The following WDR83 variants were observed in gnomAD, a reference collection of about 807,000 sequenced individuals.
WDR83 encodes the protein WD repeat domain-containing protein 83.
A neutral mutation model predicts 37.7 loss-of-function variants in WDR83; 37 were observed. That is an observed-to-expected ratio of 0.98 (90% confidence interval 0.76 to 1.29). WDR83 has a LOEUF of 1.29. WDR83 is among the 50% of genes most tolerant of loss of function. The pLI is 0.00. For synonymous variants in WDR83, 174 were observed against 181.1 expected, an observed-to-expected ratio of 0.96 and a Z score of 0.31; for missense variants, 445 against 414.4, an observed-to-expected ratio of 1.07 and a Z score of -0.64.
chr19:12,671,739 C>T, intron 7 of WDR83, among the ~76,000 whole-genome samples: 1 of 152,168 alleles, frequency 6.6e-6, no homozygotes, highest in Admixed American at 6.5e-5. Context: ...CGCTCTGTTG[C>T]CAGGCTGGAG....
chr19:12,668,996 C>T (rs1042480204), intron 2 of WDR83: 2 of 909,442 alleles, frequency 2.2e-6, no homozygotes, highest in African/African-American at 1.6e-5. Context: ...CCAGCGTCAT[C>T]GCAGCCCCAC....
At chr19:12,671,349 T>A (rs1376654553) in intron 7 of WDR83, 1 of 149,738 alleles carries the variant, frequency 6.7e-6, no homozygotes, top group African/African-American at 2.5e-5. Context: ...GATAAAATGA[T>A]TTCTAAAAAT....
chr19:12,669,418 C>A, intron 2 of WDR83: 3 of 1,588,016 alleles, frequency 1.9e-6, no homozygotes, highest in South Asian at 1.1e-5. Context: ...AGTCGAAGGC[C>A]AGATCACGCC....
Position 12,670,042 on chromosome 19 carries a change from G to C in WDR83, c.169G>C (p.Gly57Arg). 6.2e-7 allele frequency: 1 copy of C among 1,613,232 alleles called. No individual in the cohort carries two copies. Among genetic ancestry groups the C allele is most frequent in the Non-Finnish European group, 8.5e-7 (1 of 1,179,322 alleles). Reference sequence around the variant, plus strand: ...GCTGAAGCTGTGGAACCCGCTTCGGGGGACGCTGCTGCGGACGTACAGCGG... The same window carrying C: ...GCTGAAGCTGTGGAACCCGCTTCGGCGGACGCTGCTGCGGACGTACAGCGG... ...KTLKLWNPLR[G>R]TLLRTYSGHG... is the part of the protein sequence containing the mutation. Residue 57 changes from glycine to arginine, a missense_variant, in exon 4 of 11, where the codon GGG (glycine) becomes CGG (arginine). Transcript: ENST00000418543.
chr19:12,669,190 G>C (rs2024337062), intron 2 of WDR83: 2 of 1,614,132 alleles, frequency 1.2e-6, no homozygotes, highest in Non-Finnish European at 1.7e-6. Context: ...TCCGGCGTCG[G>C]GTCGTCCAAG....
At position 12,675,392 on chromosome 19, in the gene WDR83, G is replaced by C. The variant is rs2024544685; in HGVS notation, c.799-131G>C. 4.6e-6 allele frequency: 6 copies of C among 1,291,770 alleles called. No homozygotes were observed. The South Asian group carries it at 7.3e-5, about 16-fold the overall frequency. The allele number at this position is 1,291,770 out of a possible 1,614,324, so 80.0% of individuals were successfully genotyped here. ...TGCAGTGTCTAGGAGGCAATTAGAG[G>C]CAGGTGGCTGAAGGTCGGGGAGAGG... On this transcript the variant is annotated intron_variant, in intron 10 of 10. Transcript: ENST00000418543.
At position 12,674,883 on chromosome 19, in the gene WDR83, A is replaced by T. The variant is rs533181482; in HGVS notation, c.799-640A>T. ...GTAATCCCAGCACTTTGGGAGGCCG[A>T]GGGGGGTGGATCACGAGGTCAGGAG... On this transcript the variant is annotated intron_variant, in intron 10 of 10. Transcript: ENST00000418543. Among the ~76,000 whole-genome samples the T allele has an allele frequency of 3.9e-5, 6 of 152,174 alleles. No individual in the cohort carries two copies. The East Asian group carries it at 9.7e-4, about 24-fold the overall frequency.
intron 10 of WDR83, among the ~76,000 whole-genome samples, chr19:12,675,206 C>G (rs1247508587): frequency 6.6e-6 from 1 of 152,148 alleles, no homozygotes; most frequent in Non-Finnish European, 1.5e-5. Context: ...GCAGGAGGAT[C>G]ACTTGAGGCC....
At chr19:12,669,672 G>A in intron 2 of WDR83, 83 bp from the exon 3 acceptor site, 1 of 1,149,072 alleles carries the variant, frequency 8.7e-7, no homozygotes, top group Non-Finnish European at 1.2e-6. Context: ...ACCCGGAAGT[G>A]ATAAACAGGA....
At position 12,670,679 on chromosome 19, in the gene WDR83, C is replaced by T. The variant is rs201176698; in HGVS notation, c.380-16C>T. On this transcript the variant is annotated splice_polypyrimidine_tract_variant and intron_variant, in intron 6 of 10. Coordinates refer to ENST00000418543, the MANE Select transcript of WDR83 (RefSeq NM_001099737.3). ...CCCCCTCCAAACCTGACCTCACCAT[C>T]ATGCTGGCCTCACAGGCTCTATTGA... The T allele has an allele frequency of 2.3e-4, 371 of 1,614,226 alleles. No homozygotes were observed. The highest frequency in any genetic ancestry group is 3.0e-4 in the Non-Finnish European group (355 of 1,180,040).
At chr19:12,670,447 G>C in intron 5 of WDR83, 116 bp from the exon 6 acceptor site, 1 of 1,544,386 alleles carries the variant, frequency 6.5e-7, no homozygotes, top group Non-Finnish European at 8.9e-7. Context: ...TGTCCTTGCT[G>C]TTCCCCCAAA....
chr19:12,675,458 A>G (rs2024546390), intron 10 of WDR83, 65 bp from the exon 11 acceptor site: 3 of 1,564,904 alleles, frequency 1.9e-6, no homozygotes, highest in Non-Finnish European at 2.6e-6. Flanking sequence ...GGGGGTGCCC[A>G]GGGACCTCAG....
chr19:12,672,726 AG>A, intron 7 of WDR83, 120 bp from the exon 8 acceptor site: 1 of 1,038,984 alleles, frequency 9.6e-7, no homozygotes, highest in East Asian at 2.6e-5. Context: ...TCAAGGCCAG[AG>A]CTTCAGAATT....
chr19:12,670,009 G>T lies in WDR83; in HGVS notation c.136G>T (p.Asp46Tyr), dbSNP rs1447840213. ...CAATTACTGCCTGACGTGCGGCAGTGACAAGACGCTGAAGCTGTGGAACCC... is the reference window on the plus strand; with the variant it reads ...CAATTACTGCCTGACGTGCGGCAGTTACAAGACGCTGAAGCTGTGGAACCC... The part of the protein sequence containing the change: ...DGNYCLTCGS[D>Y]KTLKLWNPLR... Residue 46 changes from aspartate to tyrosine, a missense_variant, in exon 4 of 11, where the codon GAC becomes TAC. Coordinates refer to ENST00000418543, the MANE Select transcript of WDR83 (RefSeq NM_001099737.3). The T allele has an allele frequency of 1.2e-6, 2 of 1,612,674 alleles. No individual in the cohort carries two copies. Among genetic ancestry groups the T allele is most frequent in the African/African-American group, 2.7e-5 (2 of 75,046 alleles).
chr19:12,671,009 G>C lies in WDR83; in HGVS notation c.506+188G>C, dbSNP rs1021795796. The C allele has an allele frequency of 8.7e-6, 7 of 809,208 alleles. 1 individual carries two copies. The South Asian group carries it at 1.2e-4, about 14-fold the overall frequency. 50.1% of individuals were successfully genotyped at this position (809,208 alleles called of 1,614,324 possible). On this transcript the variant is annotated intron_variant, in intron 7 of 10. Transcript: ENST00000418543. The stretch of plus-strand genomic sequence containing the variant: ...CGAGGCACCATTGCACTCCATGCTG[G>C]GTGAAAGACAGACTGTCTACAAAAT...
At chr19:12,672,826 T>C in intron 7 of WDR83, 21 bp from the exon 8 acceptor site, 1 of 1,566,632 alleles carries the variant, frequency 6.4e-7, no homozygotes. Flanking sequence ...AGGTTCCCGC[T>C]GGATCTACCC....
At position 12,670,056 on chromosome 19, in the gene WDR83, G is replaced by C. The variant is rs1266310279; in HGVS notation, c.183G>C (p.Arg61=). The change falls in exon 4 of 11, where the codon CGG becomes CGC. Residue 61 remains arginine, a synonymous_variant. Transcript: ENST00000418543. The part of the protein sequence containing the change: ...LWNPLRGTLL[R]TYSGHGYEVL... ...ACCCGCTTCGGGGGACGCTGCTGCG[G>C]ACGTACAGCGGCCACGGCTACGAGG... 3.7e-6 allele frequency: 6 copies of C among 1,612,910 alleles called. No individual in the cohort carries two copies. The highest frequency in any genetic ancestry group is 4.2e-6 in the Non-Finnish European group (5 of 1,179,230).
chr19:12,668,513 G>T lies in WDR83; in HGVS notation c.-151G>T. Reference sequence around the variant, plus strand: ...AAGAGTCACTTGTTCTGTAGGGCAAGTCTCACATGAAGCTACTCATCATTT... The same window carrying T: ...AAGAGTCACTTGTTCTGTAGGGCAATTCTCACATGAAGCTACTCATCATTT... On this transcript the variant is annotated 5_prime_UTR_variant, in exon 2 of 11. Coordinates refer to ENST00000418543, the MANE Select transcript of WDR83 (RefSeq NM_001099737.3). 6.2e-7 allele frequency: 1 copy of T among 1,614,082 alleles called. No homozygotes were observed. The highest frequency in any genetic ancestry group is 1.1e-5 in the South Asian group (1 of 91,068).
chr19:12,670,039 C>T lies in WDR83; in HGVS notation c.166C>T (p.Arg56Trp), dbSNP rs756840407. The part of the protein sequence containing the change: ...DKTLKLWNPL[R>W]GTLLRTYSGH... The stretch of plus-strand genomic sequence containing the variant: ...GACGCTGAAGCTGTGGAACCCGCTT[C>T]GGGGGACGCTGCTGCGGACGTACAG... The change falls in exon 4 of 11, where the codon CGG (arginine) becomes TGG (tryptophan). Residue 56 changes from arginine (R) to tryptophan (W), a missense_variant. Physicochemically the swap from Arg to Trp is moderately radical, Grantham distance 101. Coordinates refer to ENST00000418543, the MANE Select transcript of WDR83 (RefSeq NM_001099737.3). 1.9e-6 allele frequency: 3 copies of T among 1,613,262 alleles called. No homozygotes were observed. The highest frequency in any genetic ancestry group is 2.5e-6 in the Non-Finnish European group (3 of 1,179,316).
Sources: allele counts gnomAD v4.1 joint callset (sites outside exome capture counted in the v4.1 genomes callset), GRCh38; gene constraint gnomAD v4.1.1; transcripts MANE v1.5; gene names NCBI Gene and HGNC (gene_info 2026-07-23, HGNC 2026-07-21).